LY86: variants seen among roughly 807,000 people sequenced by gnomAD.
LY86 encodes the protein lymphocyte antigen 86.
In LY86, 20 loss-of-function variants were observed where a neutral mutation model predicts 17.3. That is an observed-to-expected ratio of 1.15 (90% confidence interval 0.81 to 1.68). The LOEUF (loss-of-function observed/expected upper bound fraction) is 1.68, where lower values mean the gene tolerates loss of function less well. Ranked by LOEUF, LY86 falls within the 40% of genes most tolerant of loss-of-function variation. The pLI, the probability that LY86 is intolerant of heterozygous loss-of-function variation, is 0.00. For synonymous variants in LY86, 74 were observed against 70.6 expected (o/e 1.05, Z -0.24); for missense variants, 200 against 191.9 (o/e 1.04, Z -0.25).
chr6:6,649,493 ACATTTCT>A, intron 3 of LY86, 125 bp from the exon 4 acceptor site: 1 of 454,066 alleles, frequency 2.2e-6, no homozygotes, highest in Non-Finnish European at 3.8e-6. Context: ...GGAAATGAAA[ACATTTCT>A]AGCAATAGCT....
intron 1 of LY86, chr6:6,591,552 T>C (rs1224415186): frequency 1.3e-5 from 2 of 153,748 alleles, no homozygotes; most frequent in East Asian, 1.9e-4. Flanking sequence ...TAACACCTCA[T>C]GTTGGTGGAG....
Position 6,611,891 on chromosome 6 carries a change from TAAG to T in LY86, c.137-13032_137-13030del, listed in dbSNP as rs893293348. 7.9e-5 allele frequency among the ~76,000 whole-genome samples: 12 copies of T among 152,110 alleles called. No individual in the cohort carries two copies. The East Asian group carries it at 1.2e-3, about 15-fold the overall frequency. On this transcript the variant is annotated intron_variant, in intron 1 of 4. Transcript: ENST00000230568. ...CCATTTTTTCTGCACCTACCAAAAA[TAAG>T]AAAAAAATCAGACTGCTGCTGTGTT...
intron 1 of LY86, among the ~76,000 whole-genome samples, chr6:6,606,672 G>C (rs887549709): frequency 6.6e-5 from 10 of 152,228 alleles, no homozygotes; most frequent in Admixed American, 5.2e-4. Flanking sequence ...ACTGGCCCAG[G>C]TGCTAAGCCC....
chr6:6,600,715 G>C (rs144062112), intron 1 of LY86, among the ~76,000 whole-genome samples: 3 of 150,260 alleles, frequency 2.0e-5, no homozygotes, highest in African/African-American at 7.4e-5. Context: ...ATGTAGAAAA[G>C]CTCGCTGCAT....
chr6:6,628,122 A>G (rs1468388677), intron 3 of LY86, among the ~76,000 whole-genome samples: 2 of 152,124 alleles, frequency 1.3e-5, no homozygotes, highest in East Asian at 3.9e-4. Flanking sequence ...TGATTAATCA[A>G]GTACGTTCAT....
In LY86 at chr6:6,654,666, G is replaced by T. The variant is rs2233128; in HGVS notation, c.*39G>T. On this transcript the variant is annotated 3_prime_UTR_variant, in exon 5 of 5. Transcript: ENST00000230568. ...CAAAAATCACAGCCAGCTGCATCTC[G>T]TGGGACCTCCAAGCTCCTCTGACTG... The T allele has an allele frequency of 1.9e-6, 3 of 1,549,394 alleles. No individual in the cohort carries two copies. Among genetic ancestry groups the T allele is most frequent in the South Asian group, 1.1e-5 (1 of 89,292 alleles).
intron 3 of LY86, among the ~76,000 whole-genome samples, chr6:6,627,067 G>A (rs1461358189): frequency 6.6e-6 from 1 of 152,004 alleles, no homozygotes; most frequent in East Asian, 1.9e-4. Context: ...GCTTCACCAA[G>A]GCCCTGAGAT....
At chr6:6,622,373 A>G (rs1360961638) in intron 1 of LY86, among the ~76,000 whole-genome samples, 4 of 152,196 alleles carry the variant, frequency 2.6e-5, no homozygotes, top group Non-Finnish European at 5.9e-5. Context: ...ACTTAAATTT[A>G]TCCACAATTT....
At chr6:6,628,948 G>A (rs1016187864) in intron 3 of LY86, among the ~76,000 whole-genome samples, 2 of 152,126 alleles carry the variant, frequency 1.3e-5, no homozygotes, top group Non-Finnish European at 2.9e-5. Flanking sequence ...CATTTTCCTG[G>A]TCCTTCAAGT....
intron 3 of LY86, among the ~76,000 whole-genome samples, chr6:6,640,660 C>T (rs2113156355): frequency 6.6e-6 from 1 of 151,580 alleles, no homozygotes; most frequent in South Asian, 2.1e-4. Flanking sequence ...CTGTGGTGAG[C>T]TATGATCACA....
At chr6:6,617,887 T>C (rs934069634) in intron 1 of LY86, among the ~76,000 whole-genome samples, 1 of 152,234 alleles carries the variant, frequency 6.6e-6, no homozygotes, top group South Asian at 2.1e-4. Flanking sequence ...GTCGCTCAGG[T>C]TGGAGTGCAG....
At chr6:6,641,691 G>T (rs1762042655) in intron 3 of LY86, among the ~76,000 whole-genome samples, 1 of 152,078 alleles carries the variant, frequency 6.6e-6, no homozygotes, top group Admixed American at 6.5e-5. Flanking sequence ...CAGCCAGGTG[G>T]CTAGGGCCAC....
intron 1 of LY86, among the ~76,000 whole-genome samples, chr6:6,611,989 C>CTCAGTACTGAACACTG (rs5742057): frequency 5.5e-5 from 4 of 72,110 alleles, no homozygotes; most frequent in Non-Finnish European, 7.6e-5. Context: ...ACCCCCTTAA[C>CTCAGTACTGAACACTG]TGAGTACTGA....
At chr6:6,637,040 T>C (rs1761970512) in intron 3 of LY86, among the ~76,000 whole-genome samples, 1 of 142,364 alleles carries the variant, frequency 7.0e-6, no homozygotes, top group African/African-American at 2.6e-5. Flanking sequence ...AGAAGGAGTC[T>C]CGCTCTGTCG....
At chr6:6,601,637 G>A (rs186941424) in intron 1 of LY86, among the ~76,000 whole-genome samples, 239 of 152,094 alleles carry the variant, frequency 1.6e-3, no homozygotes, top group Non-Finnish European at 2.8e-3. Flanking sequence ...GGAGAATGGC[G>A]TGAACCCAGG....
chr6:6,603,739 G>A (rs939046287), intron 1 of LY86, among the ~76,000 whole-genome samples: 1 of 151,924 alleles, frequency 6.6e-6, no homozygotes, highest in African/African-American at 2.4e-5. Context: ...TTTAATGGCT[G>A]TGCATGAGTT....
At chr6:6,600,624 A>G (rs9392813) in intron 1 of LY86, among the ~76,000 whole-genome samples, 80,508 of 116,460 alleles carry the variant, frequency 0.69, 29,738 homozygotes, top group East Asian at 0.8. Flanking sequence ...AAAAAAAAAA[A>G]AAAAGAAAAT....
At chr6:6,597,189 G>C (rs1280478673) in intron 1 of LY86, among the ~76,000 whole-genome samples, 1 of 152,202 alleles carries the variant, frequency 6.6e-6, no homozygotes, top group African/African-American at 2.4e-5. Flanking sequence ...GGAGTGTGAA[G>C]ACCAGAGCAG....
intron 1 of LY86, among the ~76,000 whole-genome samples, chr6:6,605,516 G>GT (rs1325217425): frequency 2.0e-5 from 3 of 152,236 alleles, no homozygotes; most frequent in Non-Finnish European, 4.4e-5. Flanking sequence ...GCCATGGGGG[G>GT]TCTCCCCACA....
Sources: gnomAD v4.1 joint callset for allele counts (sites outside exome capture counted in the v4.1 genomes callset) on GRCh38, gnomAD v4.1.1 for gene constraint, MANE v1.5 for transcripts, NCBI Gene and HGNC (gene_info 2026-07-23, HGNC 2026-07-21) for gene names.